Variants in NCKAP5 observed in about 807,000 individuals in gnomAD.
NCKAP5 encodes the protein nck-associated protein 5.
In NCKAP5, 92 loss-of-function variants were observed where a neutral mutation model predicts 167.0. The ratio of observed to expected loss-of-function variants is 0.55; its 90% CI spans 0.47 to 0.66. The LOEUF is 0.66. Among genes scored for constraint, NCKAP5 ranks in the 30% least tolerant of loss-of-function variants. The pLI is 0.00. For missense variants in NCKAP5, 2,378 were observed against 2,315.0 expected, an observed-to-expected ratio of 1.03 and a Z score of -0.56; for synonymous variants, 891 against 877.4, an observed-to-expected ratio of 1.02 and a Z score of -0.27.
At chr2:132,836,718 C>A (rs1319506838) in intron 11 of NCKAP5, among the ~76,000 whole-genome samples, 1 of 152,122 alleles carries the variant, frequency 6.6e-6, no homozygotes, top group Non-Finnish European at 1.5e-5. Flanking sequence ...CCCAAGTCCC[C>A]AAAGTCCATT....
chr2:133,349,141 T>C (rs1684178545), intron 3 of NCKAP5, among the ~76,000 whole-genome samples: 2 of 152,220 alleles, frequency 1.3e-5, no homozygotes, highest in South Asian at 4.1e-4. Flanking sequence ...GATATTTTGA[T>C]CATTTTTAGG....
At chr2:133,646,814 A>T in the NCKAP5 span, among the ~76,000 whole-genome samples, 1 of 152,188 alleles carries the variant, frequency 6.6e-6, no homozygotes, top group East Asian at 1.9e-4. Context: ...ATAGTTATAC[A>T]TTGTGACAAC....
intron 2 of NCKAP5, among the ~76,000 whole-genome samples, chr2:133,539,084 G>A (rs1026478047): frequency 1.3e-5 from 2 of 151,746 alleles, no homozygotes; most frequent in Non-Finnish European, 2.9e-5. Flanking sequence ...GGGACTACAG[G>A]CGCCAGCCAC....
intron 3 of NCKAP5, among the ~76,000 whole-genome samples, chr2:133,493,710 T>C (rs1184613656): frequency 6.6e-6 from 1 of 152,240 alleles, no homozygotes; most frequent in African/African-American, 2.4e-5. Flanking sequence ...CAATTAAACA[T>C]GGTTCACTAG....
intron 6 of NCKAP5, among the ~76,000 whole-genome samples, chr2:132,999,752 A>G (rs1023875347): frequency 3.9e-5 from 6 of 152,142 alleles, no homozygotes; most frequent in Admixed American, 3.3e-4. Context: ...TCCAACCCCA[A>G]CCCAAAATCT....
chr2:132,927,760 G>C (rs558667339), intron 8 of NCKAP5, among the ~76,000 whole-genome samples: 1 of 152,150 alleles, frequency 6.6e-6, no homozygotes, highest in African/African-American at 2.4e-5. Flanking sequence ...TTAAATCTAA[G>C]AGTTTTTGGA....
At chr2:133,262,143 T>A (rs1407837790) in intron 4 of NCKAP5, among the ~76,000 whole-genome samples, 1 of 152,204 alleles carries the variant, frequency 6.6e-6, no homozygotes, top group Non-Finnish European at 1.5e-5. Context: ...TAAATGCACA[T>A]AATTTTTTTT....
intron 6 of NCKAP5, among the ~76,000 whole-genome samples, chr2:133,101,009 T>G (rs1454407362): frequency 6.6e-6 from 1 of 152,082 alleles, no homozygotes; most frequent in Non-Finnish European, 1.5e-5. Flanking sequence ...ATGCCTAGGT[T>G]TTCTTCTAGG....
chr2:132,848,905 T>A (rs72847259), intron 11 of NCKAP5, among the ~76,000 whole-genome samples: 25,884 of 152,096 alleles, frequency 0.17, 2,656 homozygotes, highest in East Asian at 0.31. Context: ...TTTTAAAGAT[T>A]TGCACTTTGA....
intron 3 of NCKAP5, among the ~76,000 whole-genome samples, chr2:133,453,677 A>C (rs1478060986): frequency 6.6e-6 from 1 of 152,126 alleles, no homozygotes; most frequent in East Asian, 1.9e-4. Flanking sequence ...TATTCATAAA[A>C]CAGGAAAATG....
chr2:133,338,139 C>A (rs954618534), intron 3 of NCKAP5, among the ~76,000 whole-genome samples: 2 of 151,442 alleles, frequency 1.3e-5, no homozygotes, highest in African/African-American at 4.9e-5. Flanking sequence ...TTGTTGAAAT[C>A]AAATATTTGA....
chr2:133,498,602 T>C (rs1682190940), intron 3 of NCKAP5, among the ~76,000 whole-genome samples: 2 of 127,956 alleles, frequency 1.6e-5, no homozygotes, highest in African/African-American at 3.0e-5. Context: ...AAGGGAAAAA[T>C]GGGAAAAAAG....
chr2:133,603,013 A>C, the NCKAP5 span, among the ~76,000 whole-genome samples: 1 of 152,228 alleles, frequency 6.6e-6, no homozygotes, highest in Non-Finnish European at 1.5e-5. Context: ...TCTTCCTCCC[A>C]CTTACCCCCT....
intron 19 of NCKAP5, among the ~76,000 whole-genome samples, chr2:132,691,846 G>A (rs868359089): frequency 6.4e-4 from 98 of 152,214 alleles, no homozygotes; most frequent in African/African-American, 2.3e-3. Context: ...TTCCAAGCCC[G>A]TGATAAGTTC....
intron 8 of NCKAP5, among the ~76,000 whole-genome samples, chr2:132,879,653 C>G (rs1691594983): frequency 1.3e-5 from 2 of 152,220 alleles, no homozygotes. Flanking sequence ...AGGTTCCTGT[C>G]TGAATCTTCA....
intron 3 of NCKAP5, among the ~76,000 whole-genome samples, chr2:133,469,391 T>G (rs558973389): frequency 1.4e-3 from 208 of 152,086 alleles, no homozygotes; most frequent in Middle Eastern, 6.8e-3. Flanking sequence ...CTGTTAGTCT[T>G]ATGGGCTTCC....
At chr2:132,811,696 C>G (rs568878175) in intron 11 of NCKAP5, among the ~76,000 whole-genome samples, 3 of 152,236 alleles carry the variant, frequency 2.0e-5, no homozygotes, top group South Asian at 2.1e-4. Context: ...GGCTACCCAC[C>G]ACCCAGCTGA....
At chr2:133,554,749 T>C (rs958699897) in intron 2 of NCKAP5, among the ~76,000 whole-genome samples, 5 of 152,164 alleles carry the variant, frequency 3.3e-5, no homozygotes, top group Admixed American at 6.5e-5. Context: ...ATTGGGGTGC[T>C]TGGTCAATAT....
chr2:133,317,554 G>A (rs1161143489), intron 3 of NCKAP5, among the ~76,000 whole-genome samples: 7 of 152,104 alleles, frequency 4.6e-5, no homozygotes, highest in Non-Finnish European at 7.4e-5. Context: ...GCACCTCCCC[G>A]CAGACACTGT....
Sources: gnomAD v4.1 joint callset for allele counts (sites outside exome capture counted in the v4.1 genomes callset) on GRCh38, gnomAD v4.1.1 for gene constraint, MANE v1.5 for transcripts, NCBI Gene and HGNC (gene_info 2026-07-23, HGNC 2026-07-21) for gene names.